Variants in SAMD5 observed in about 807,000 individuals in gnomAD.
SAMD5 encodes sterile alpha motif domain-containing protein 5.
A neutral mutation model predicts 11.3 loss-of-function variants in SAMD5; 13 were observed. The ratio of observed to expected loss-of-function variants is 1.15; its 90% CI spans 0.75 to 1.83. The LOEUF (loss-of-function observed/expected upper bound fraction) is 1.83, where lower values mean the gene tolerates loss of function less well. Among genes scored for constraint, SAMD5 ranks in the 40% most tolerant of loss-of-function variants. SAMD5 has a pLI of 0.00. For synonymous variants in SAMD5, 129 were observed against 111.3 expected (o/e 1.16, Z -1.00); for missense variants, 255 against 239.1 (o/e 1.07, Z -0.44).
At chr6:147,845,832 A>C in the SAMD5 span, among the ~76,000 whole-genome samples, 1 of 152,222 alleles carries the variant, frequency 6.6e-6, no homozygotes, top group Admixed American at 6.5e-5. Flanking sequence ...TTCTTCTAAA[A>C]TTCAACATGC....
intron 1 of SAMD5, among the ~76,000 whole-genome samples, chr6:147,646,445 T>A (rs1355179194): frequency 6.6e-6 from 1 of 152,232 alleles, no homozygotes; most frequent in Non-Finnish European, 1.5e-5. Flanking sequence ...TATCACTTCT[T>A]AATCTCAAAG....
chr6:147,637,613 G>A (rs185248611), intron 1 of SAMD5, among the ~76,000 whole-genome samples: 15 of 152,294 alleles, frequency 9.8e-5, no homozygotes, highest in Non-Finnish European at 4.4e-5. Flanking sequence ...AGACATAGGC[G>A]AGGGATTATA....
At chr6:147,713,687 C>T (rs1791429312) in intron 1 of SAMD5, among the ~76,000 whole-genome samples, 1 of 152,148 alleles carries the variant, frequency 6.6e-6, no homozygotes, top group Non-Finnish European at 1.5e-5. Flanking sequence ...GTGGCTTGTA[C>T]ACAGAGTATG....
intron 1 of SAMD5, among the ~76,000 whole-genome samples, chr6:147,620,148 G>A (rs529801076): frequency 3.9e-5 from 6 of 152,108 alleles, no homozygotes; most frequent in African/African-American, 9.7e-5. Context: ...GGGAAGCCCC[G>A]TGCGTTCCAT....
At chr6:147,680,419 T>C (rs1790925011) in intron 1 of SAMD5, among the ~76,000 whole-genome samples, 1 of 152,132 alleles carries the variant, frequency 6.6e-6, no homozygotes, top group South Asian at 2.1e-4. Flanking sequence ...AAACACATTA[T>C]TATTCTGTAA....
chr6:147,527,834 A>G (rs1788366869), intron 1 of SAMD5, among the ~76,000 whole-genome samples: 1 of 152,200 alleles, frequency 6.6e-6, no homozygotes, highest in Non-Finnish European at 1.5e-5. Context: ...ATTTATAAAG[A>G]AAAGAGGTTT....
chr6:147,720,591 G>A (rs1319791075), intron 1 of SAMD5, among the ~76,000 whole-genome samples: 1 of 152,078 alleles, frequency 6.6e-6, no homozygotes, highest in Non-Finnish European at 1.5e-5. Context: ...AGTAAAGATT[G>A]ATTATATAGT....
the SAMD5 span, among the ~76,000 whole-genome samples, chr6:147,837,736 T>C: frequency 6.6e-6 from 1 of 152,234 alleles, no homozygotes; most frequent in Non-Finnish European, 1.5e-5. Context: ...TGATGAGGAC[T>C]ACTCCTACCT....
chr6:147,847,445 T>C, the SAMD5 span, among the ~76,000 whole-genome samples: 2 of 152,212 alleles, frequency 1.3e-5, no homozygotes, highest in African/African-American at 2.4e-5. Context: ...TATTAGTTTC[T>C]AGTGAAATAG....
At chr6:147,517,083 T>G (rs1033399363) in intron 1 of SAMD5, among the ~76,000 whole-genome samples, 27 of 152,174 alleles carry the variant, frequency 1.8e-4, no homozygotes, top group African/African-American at 6.5e-4. Context: ...AGGTTTATTT[T>G]CCACCTTCTG....
the SAMD5 span, among the ~76,000 whole-genome samples, chr6:147,847,725 T>A: frequency 6.6e-6 from 1 of 152,102 alleles, no homozygotes; most frequent in African/African-American, 2.4e-5. Context: ...TGGTGGCACA[T>A]GCCTGAAATT....
chr6:147,562,107 G>C (rs989537124), intron 1 of SAMD5, among the ~76,000 whole-genome samples: 1 of 152,202 alleles, frequency 6.6e-6, no homozygotes, highest in Admixed American at 6.5e-5. Context: ...TTTGACACTA[G>C]ATTTGTGAAA....
intron 1 of SAMD5, among the ~76,000 whole-genome samples, chr6:147,664,635 T>C (rs1171850443): frequency 6.6e-6 from 1 of 152,178 alleles, no homozygotes; most frequent in Non-Finnish European, 1.5e-5. Flanking sequence ...AACACAAATC[T>C]AGAAACACTG....
At chr6:147,629,090 A>G (rs925408208) in intron 1 of SAMD5, among the ~76,000 whole-genome samples, 2 of 152,140 alleles carry the variant, frequency 1.3e-5, no homozygotes, top group African/African-American at 2.4e-5. Context: ...CAGGAGTTTG[A>G]GACTAGCATG....
At chr6:147,725,068 CTTT>C (rs1391394099) in intron 1 of SAMD5, among the ~76,000 whole-genome samples, 2 of 152,138 alleles carry the variant, frequency 1.3e-5, no homozygotes, top group Non-Finnish European at 2.9e-5. Context: ...TTTTATTCTT[CTTT>C]GTCTCATACG....
intron 1 of SAMD5, among the ~76,000 whole-genome samples, chr6:147,599,277 A>G (rs536497593): frequency 3.9e-4 from 60 of 152,200 alleles, no homozygotes; most frequent in Non-Finnish European, 6.5e-4. Context: ...GAAGGCAGTA[A>G]AAGAGACAAA....
the SAMD5 span, among the ~76,000 whole-genome samples, chr6:147,817,470 C>T: frequency 6.6e-6 from 1 of 152,204 alleles, no homozygotes; most frequent in Non-Finnish European, 1.5e-5. Flanking sequence ...AAGTCAGTAG[C>T]CTCTGACATG....
At chr6:147,744,295 G>T in the SAMD5 span, among the ~76,000 whole-genome samples, 2 of 152,150 alleles carry the variant, frequency 1.3e-5, no homozygotes, top group Admixed American at 6.5e-5. Flanking sequence ...ACTAATATTT[G>T]TGAAGAAATG....
chr6:147,779,939 A>C, the SAMD5 span, among the ~76,000 whole-genome samples: 1 of 152,214 alleles, frequency 6.6e-6, no homozygotes, highest in Admixed American at 6.5e-5. Context: ...ATTGTGATAG[A>C]TATTAGTTGT....
Sources: allele counts gnomAD v4.1 joint callset (sites outside exome capture counted in the v4.1 genomes callset), GRCh38; gene constraint gnomAD v4.1.1; transcripts MANE v1.5; gene names NCBI Gene and HGNC (gene_info 2026-07-23, HGNC 2026-07-21).